The following SYT9 variants were observed in gnomAD, a reference collection of about 807,000 sequenced individuals.
The protein encoded by SYT9 is synaptotagmin-9.
SYT9 carries 22 observed loss-of-function variants against 48.4 expected under a neutral mutation model. The ratio of observed to expected loss-of-function variants is 0.45; its 90% CI spans 0.32 to 0.65. The LOEUF is 0.65. Ranked by LOEUF, SYT9 falls within the 30% of genes least tolerant of loss-of-function variation. The pLI, the probability that SYT9 is intolerant of heterozygous loss-of-function variation, is 0.03. For synonymous variants in SYT9, 265 were observed against 245.0 expected (o/e 1.08, Z -0.76); for missense variants, 577 against 622.0 (o/e 0.93, Z 0.77).
At chr11:7,326,500 CTCTTTTTT>C (rs1188346290) in intron 3 of SYT9, among the ~76,000 whole-genome samples, 1 of 150,380 alleles carries the variant, frequency 6.6e-6, no homozygotes, top group Non-Finnish European at 1.5e-5. Context: ...TGATTCTTCT[CTCTTTTTT>C]TCTTTATTAG....
chr11:7,355,445 A>G (rs748950715), intron 3 of SYT9, among the ~76,000 whole-genome samples: 2 of 152,218 alleles, frequency 1.3e-5, no homozygotes, highest in Non-Finnish European at 2.9e-5. Flanking sequence ...CTCTTCTCCT[A>G]GTATCTCTTC....
intron 1 of SYT9, among the ~76,000 whole-genome samples, chr11:7,243,349 A>G (rs1392726468): frequency 6.6e-6 from 1 of 152,178 alleles, no homozygotes; most frequent in Non-Finnish European, 1.5e-5. Context: ...TAAGCACTAA[A>G]CTCGGCAGAT....
chr11:7,257,005 G>A (rs376532280), intron 1 of SYT9, among the ~76,000 whole-genome samples: 1 of 152,116 alleles, frequency 6.6e-6, no homozygotes, highest in South Asian at 2.1e-4. Context: ...ACAAACAACA[G>A]CAACAACAAA....
intron 6 of SYT9, among the ~76,000 whole-genome samples, chr11:7,443,577 T>TCAG (rs1243139906): frequency 6.6e-6 from 1 of 152,202 alleles, no homozygotes; most frequent in Non-Finnish European, 1.5e-5. Context: ...TCAGCTGAAA[T>TCAG]CAGCAGCTCA....
chr11:7,256,172 T>C (rs759535406), intron 1 of SYT9, among the ~76,000 whole-genome samples: 1 of 152,176 alleles, frequency 6.6e-6, no homozygotes, highest in Non-Finnish European at 1.5e-5. Flanking sequence ...CTTAAACATG[T>C]TTTTATCATT....
Position 7,313,931 on chromosome 11 carries a change from A to G in SYT9, c.1034A>G (p.Tyr345Cys), listed in dbSNP as rs1849194403. ...TGCATCCTTTGGAAGGATATCGAAT[A>G]TGTCACCAATGTGAGTCCAGCATTT... ...RECILWKDIE[Y>C]VTNDNVDLGE... The change falls in exon 3 of 7, where the codon TAT (tyrosine) becomes TGT (cysteine). Residue 345 changes from tyrosine to cysteine, a missense_variant. By Grantham distance (194) the Tyr-to-Cys change is radical (BLOSUM62 -2). Transcript: ENST00000318881. 1 of 1,610,482 alleles carries G rather than the reference A, an allele frequency of 6.2e-7. No individual in the cohort carries two copies. The highest frequency in any genetic ancestry group is 1.7e-5 in the Admixed American group (1 of 59,744).
At chr11:7,379,301 C>T (rs543168173) in intron 3 of SYT9, among the ~76,000 whole-genome samples, 6 of 152,182 alleles carry the variant, frequency 3.9e-5, no homozygotes, top group South Asian at 2.1e-4. Context: ...AAGAGGTTTC[C>T]AGTACCCCAA....
intron 1 of SYT9, among the ~76,000 whole-genome samples, chr11:7,240,673 G>C (rs1847731296): frequency 6.6e-6 from 1 of 152,058 alleles, no homozygotes; most frequent in Non-Finnish European, 1.5e-5. Flanking sequence ...ACTTCAAATA[G>C]GACAAATGAT....
intron 1 of SYT9, among the ~76,000 whole-genome samples, chr11:7,240,934 C>A (rs1386557780): frequency 2.0e-5 from 3 of 152,130 alleles, no homozygotes; most frequent in African/African-American, 4.8e-5. Flanking sequence ...TCTAAACCAA[C>A]AAGACCCTTT....
intron 1 of SYT9, among the ~76,000 whole-genome samples, chr11:7,296,526 T>G (rs1251265917): frequency 1.3e-5 from 2 of 152,230 alleles, no homozygotes; most frequent in Non-Finnish European, 2.9e-5. Flanking sequence ...AATGTTATGA[T>G]GCTTGAACTC....
chr11:7,335,273 T>C (rs1034291900), intron 3 of SYT9, among the ~76,000 whole-genome samples: 1 of 152,174 alleles, frequency 6.6e-6, no homozygotes, highest in African/African-American at 2.4e-5. Context: ...TTTATCTTTT[T>C]TGATAAACTG....
intron 3 of SYT9, among the ~76,000 whole-genome samples, chr11:7,372,191 C>T (rs534569041): frequency 2.0e-5 from 3 of 152,252 alleles, no homozygotes; most frequent in African/African-American, 7.2e-5. Context: ...TTTATTTCAA[C>T]CATTCTGATG....
chr11:7,255,756 G>A (rs1010863950), intron 1 of SYT9, among the ~76,000 whole-genome samples: 3 of 152,090 alleles, frequency 2.0e-5, no homozygotes, highest in Admixed American at 6.6e-5. Context: ...AAATCATGAG[G>A]TTTATTTTTT....
intron 1 of SYT9, among the ~76,000 whole-genome samples, chr11:7,265,552 T>C (rs1177286192): frequency 6.6e-6 from 1 of 152,198 alleles, no homozygotes; most frequent in Non-Finnish European, 1.5e-5. Flanking sequence ...GGTTTACAAT[T>C]ACTTTTTACA....
At chr11:7,276,451 C>T (rs1277262854) in intron 1 of SYT9, among the ~76,000 whole-genome samples, 1 of 152,138 alleles carries the variant, frequency 6.6e-6, no homozygotes, top group African/African-American at 2.4e-5. Flanking sequence ...TTCAGTGGGC[C>T]CATTCAACTA....
intron 1 of SYT9, among the ~76,000 whole-genome samples, chr11:7,243,415 C>G (rs1024058504): frequency 6.6e-6 from 1 of 152,160 alleles, no homozygotes; most frequent in Non-Finnish European, 1.5e-5. Flanking sequence ...TATGGTTTTT[C>G]TATGGTCTCT....
chr11:7,369,806 C>CAT (rs1398124256), intron 3 of SYT9, among the ~76,000 whole-genome samples: 6 of 144,614 alleles, frequency 4.1e-5, no homozygotes, highest in African/African-American at 1.7e-4. Context: ...CACACACACA[C>CAT]ACACACACAC....
intron 3 of SYT9, among the ~76,000 whole-genome samples, chr11:7,404,620 A>G (rs1846966162): frequency 6.6e-6 from 1 of 152,188 alleles, no homozygotes. Context: ...TTGGGTTAAT[A>G]AAATAAACAT....
chr11:7,368,348 T>C (rs1045197435), intron 3 of SYT9, among the ~76,000 whole-genome samples: 2 of 54,650 alleles, frequency 3.7e-5, no homozygotes, highest in South Asian at 8.2e-4. Context: ...TAATGGGGTT[T>C]TGTTGTTGTT....
Sources: allele counts gnomAD v4.1 joint callset (sites outside exome capture counted in the v4.1 genomes callset), GRCh38; gene constraint gnomAD v4.1.1; transcripts MANE v1.5; gene names NCBI Gene and HGNC (gene_info 2026-07-23, HGNC 2026-07-21).